Variants in OR8B2 observed in about 807,000 individuals in gnomAD.
The protein encoded by OR8B2 is olfactory receptor family 8 subfamily B member 2.
For missense variants in OR8B2, 304 were observed against 379.6 expected (o/e 0.80, Z 1.65); for synonymous variants, 98 against 138.2 (o/e 0.71, Z 2.04).
chr11:124,391,462 T>G, the OR8B2 span, among the ~76,000 whole-genome samples: 1 of 151,918 alleles, frequency 6.6e-6, no homozygotes, highest in Non-Finnish European at 1.5e-5. Flanking sequence ...AAATACAAAC[T>G]ACCATCAGAG....
chr11:124,395,907 T>C, the OR8B2 span: 3,991 of 152,768 alleles, frequency 0.026, 119 homozygotes, highest in African/African-American at 0.069. Flanking sequence ...GGCAAAATGG[T>C]GACAATATAG....
At chr11:124,394,961 G>T in the OR8B2 span, among the ~76,000 whole-genome samples, 1 of 152,072 alleles carries the variant, frequency 6.6e-6, no homozygotes, top group Non-Finnish European at 1.5e-5. Flanking sequence ...CAGCACTTTG[G>T]GAGGATGAAG....
At chr11:124,391,373 C>T in the OR8B2 span, among the ~76,000 whole-genome samples, 12 of 149,564 alleles carry the variant, frequency 8.0e-5, no homozygotes, top group South Asian at 2.1e-4. Context: ...ACTAGCAAGA[C>T]TAATAAAGAA....
upstream of OR8B2, among the ~76,000 whole-genome samples, chr11:124,385,524 CTG>C (rs1354559793): frequency 1.7e-5 from 2 of 115,216 alleles, no homozygotes; most frequent in African/African-American, 3.1e-5. Flanking sequence ...GTGTGTGTGT[CTG>C]TGTGTGTGTG....
chr11:124,383,057 C>G lies in OR8B2; in HGVS notation c.287G>C (p.Gly96Ala). ...AAAGAAAAACAGCCGAGTCATGCAC[C>G]CAACATTGGAGATAATATTCTTTTT... ...VSKKNIISNV[G>A]CMTRLFFFLF... Residue 96 changes from glycine to alanine, a missense_variant, in exon 2 of 2, where the codon GGG becomes GCG. Coordinates refer to ENST00000641451, the MANE Select transcript of OR8B2 (RefSeq NM_001005468.2). The G allele has an allele frequency of 1.2e-6, 2 of 1,613,828 alleles. No homozygotes were observed. The highest frequency in any genetic ancestry group is 1.7e-6 in the Non-Finnish European group (2 of 1,179,842).
the OR8B2 span, among the ~76,000 whole-genome samples, chr11:124,389,668 A>G: frequency 3.5e-4 from 54 of 152,286 alleles, no homozygotes; most frequent in Admixed American, 2.0e-3. Context: ...GCAGAGAAAA[A>G]CTATAGTTAC....
chr11:124,386,605 G>T (rs1437078116), upstream of OR8B2, among the ~76,000 whole-genome samples: 1 of 150,882 alleles, frequency 6.6e-6, no homozygotes, highest in Non-Finnish European at 1.5e-5. Context: ...TTTTATGGCT[G>T]CGTAGTATTC....
At chr11:124,392,753 G>GA in the OR8B2 span, among the ~76,000 whole-genome samples, 8 of 148,464 alleles carry the variant, frequency 5.4e-5, no homozygotes, top group African/African-American at 2.0e-4. Context: ...CACAGAATTG[G>GA]AAAAAACTAC....
upstream of OR8B2, among the ~76,000 whole-genome samples, chr11:124,386,367 A>C (rs1860700669): frequency 1.4e-5 from 2 of 141,182 alleles, no homozygotes; most frequent in South Asian, 2.5e-4. Context: ...TTAACTCCTC[A>C]TTTAGCATTA....
the OR8B2 span, among the ~76,000 whole-genome samples, chr11:124,390,753 T>C: frequency 1.9e-5 from 2 of 102,618 alleles, no homozygotes; most frequent in Non-Finnish European, 4.1e-5. Context: ...TTTAATTAAG[T>C]TTATTTGTTT....
chr11:124,394,327 G>T, the OR8B2 span, among the ~76,000 whole-genome samples: 1 of 151,902 alleles, frequency 6.6e-6, no homozygotes, highest in South Asian at 2.1e-4. Flanking sequence ...TTGTCATTTA[G>T]GGTCCCCTTA....
At chr11:124,396,393 A>G in the OR8B2 span, 4 of 1,573,496 alleles carry the variant, frequency 2.5e-6, no homozygotes, top group African/African-American at 1.4e-5. Context: ...ATCGTTTTAC[A>G]TTATTACTGC....
chr11:124,396,872 G>C, the OR8B2 span: 8 of 1,606,790 alleles, frequency 5.0e-6, no homozygotes, highest in African/African-American at 1.1e-4. Flanking sequence ...GCATGCACCC[G>C]GTGTGGGCCG....
the OR8B2 span, among the ~76,000 whole-genome samples, chr11:124,395,092 T>C: frequency 6.6e-6 from 1 of 151,082 alleles, no homozygotes; most frequent in African/African-American, 2.4e-5. Context: ...GTCCTCTACC[T>C]CATGCTATAC....
chr11:124,393,081 A>T, the OR8B2 span, among the ~76,000 whole-genome samples: 1 of 145,012 alleles, frequency 6.9e-6, no homozygotes, highest in Non-Finnish European at 1.5e-5. Context: ...CTGAAACTGG[A>T]TCCCTTCCTT....
upstream of OR8B2, among the ~76,000 whole-genome samples, chr11:124,386,718 AC>A (rs1283377781): frequency 1.3e-5 from 2 of 152,002 alleles, no homozygotes; most frequent in South Asian, 2.1e-4. Context: ...CAGTAAACAT[AC>A]GTGTGCATGT....
At chr11:124,395,106 A>G in the OR8B2 span, among the ~76,000 whole-genome samples, 1 of 152,004 alleles carries the variant, frequency 6.6e-6, no homozygotes, top group Non-Finnish European at 1.5e-5. Context: ...GCTATACACA[A>G]AAGTTAATCT....
intron 1 of OR8B2, among the ~76,000 whole-genome samples, chr11:124,384,032 T>A (rs1402328734): frequency 6.9e-6 from 1 of 144,854 alleles, no homozygotes; most frequent in Non-Finnish European, 1.5e-5. Flanking sequence ...ACATAATTAA[T>A]TTGGGTACAG....
intron 1 of OR8B2, 36 bp from the exon 2 acceptor site, chr11:124,383,396 G>A: frequency 6.7e-7 from 1 of 1,484,732 alleles, no homozygotes. Context: ...TAGGAACACA[G>A]ATTTCTTTTT....
Sources: allele counts gnomAD v4.1 joint callset (sites outside exome capture counted in the v4.1 genomes callset), GRCh38; gene constraint gnomAD v4.1.1; transcripts MANE v1.5; gene names NCBI Gene and HGNC (gene_info 2026-07-23, HGNC 2026-07-21).